The following CPVL variants were observed in gnomAD, a reference collection of about 807,000 sequenced individuals.
CPVL encodes probable serine carboxypeptidase CPVL.
In CPVL, 51 loss-of-function variants were observed where a neutral mutation model predicts 63.7. The ratio of observed to expected loss-of-function variants is 0.80; its 90% CI spans 0.64 to 1.01. CPVL has a LOEUF of 1.01. Ranked by LOEUF, CPVL falls within the 50% of genes least tolerant of loss-of-function variation. The pLI, the probability that CPVL is intolerant of heterozygous loss-of-function variation, is 0.00. For synonymous variants in CPVL, 195 were observed against 206.0 expected (o/e 0.95, Z 0.46); for missense variants, 530 against 573.1 (o/e 0.92, Z 0.77).
At chr7:29,142,122 T>A (rs184327611) in intron 1 of CPVL, among the ~76,000 whole-genome samples, 1 of 152,370 alleles carries the variant, frequency 6.6e-6, no homozygotes, top group East Asian at 1.9e-4. Context: ...AAAGACTTAC[T>A]TCACTTTACT....
chr7:29,152,306 A>G (rs1421150142), intron 5 of CPVL, among the ~76,000 whole-genome samples: 1 of 152,184 alleles, frequency 6.6e-6, no homozygotes, highest in Non-Finnish European at 1.5e-5. Context: ...ACTGCTATGG[A>G]TTTAAAGGAT....
intron 1 of CPVL, chr7:29,192,531 G>A (rs1206297621): frequency 6.6e-6 from 1 of 152,168 alleles, no homozygotes; most frequent in Non-Finnish European, 1.5e-5. Flanking sequence ...TAGTAGAACA[G>A]GTCACAGTTG....
intron 4 of CPVL, among the ~76,000 whole-genome samples, chr7:29,095,500 G>A (rs1314753246): frequency 2.0e-5 from 3 of 151,440 alleles, no homozygotes; most frequent in African/African-American, 7.3e-5. Flanking sequence ...CTCTTGAACA[G>A]AACTACTTCA....
At chr7:29,029,026 T>C (rs569731265) in intron 12 of CPVL, among the ~76,000 whole-genome samples, 1 of 144,182 alleles carries the variant, frequency 6.9e-6, no homozygotes, top group South Asian at 2.3e-4. Context: ...AAAGAAGACA[T>C]ACAGGTGCCC....
intron 12 of CPVL, among the ~76,000 whole-genome samples, chr7:29,019,584 G>A (rs145592138): frequency 1.0e-3 from 154 of 152,346 alleles, no homozygotes; most frequent in Non-Finnish European, 1.7e-3. Context: ...TAAATTAAGA[G>A]CTGTAGTGTT....
intron 2 of CPVL, among the ~76,000 whole-genome samples, chr7:29,115,648 AAAAAG>A (rs1362567297): frequency 3.4e-5 from 5 of 148,406 alleles, no homozygotes; most frequent in Admixed American, 2.0e-4. Flanking sequence ...TCCCAAAAAA[AAAAAG>A]GAGAGTAGAG....
chr7:29,160,738 C>T (rs145086579), intron 5 of CPVL, among the ~76,000 whole-genome samples: 6 of 152,260 alleles, frequency 3.9e-5, no homozygotes, highest in Non-Finnish European at 7.3e-5. Flanking sequence ...TGCACTGAGG[C>T]AGAGAGGAAG....
chr7:29,137,065 T>C (rs1791297790), intron 1 of CPVL, among the ~76,000 whole-genome samples: 1 of 152,204 alleles, frequency 6.6e-6, no homozygotes, highest in South Asian at 2.1e-4. Flanking sequence ...CTTTAACTCC[T>C]AATTAAATGA....
rs1787956333 is a variant in CPVL, at chr7:29,030,823, A to C, written c.1138-64T>G. 4 of 1,356,544 alleles carry C rather than the reference A, an allele frequency of 2.9e-6. No individual in the cohort carries two copies. In the Admixed American group the frequency reaches 9.5e-5, roughly 32 times the overall value. The allele number at this position is 1,356,544 out of a possible 1,614,324, so 84.0% of individuals were successfully genotyped here. On this transcript the variant is annotated intron_variant, in intron 11 of 12. Transcript: ENST00000265394. ...GGAGGTGAAGCTCATGAATCGAGCT[A>C]GGTATAAATAGTGAGCCAGTGAGAG...
chr7:29,053,611 G>A (rs1481813496), intron 11 of CPVL, among the ~76,000 whole-genome samples: 3 of 152,160 alleles, frequency 2.0e-5, no homozygotes, highest in African/African-American at 7.2e-5. Context: ...ATGAATAGGG[G>A]ATTTTTTCTT....
rs1786257838 is a variant in CPVL at position 29,095,067 on chromosome 7, G to A, written c.462+17C>T. 6.2e-7 allele frequency: 1 copy of A among 1,605,798 alleles called. No individual in the cohort carries two copies. The highest frequency in any genetic ancestry group is 1.3e-5 in the African/African-American group (1 of 74,856). On this transcript the variant is annotated intron_variant, in intron 5 of 12. Transcript: ENST00000265394. ...AGACGCCAGCACTGACAGCTCACAGGGTCATCCCGGACTTACTGGATTGTC... is the reference window on the plus strand; with the variant it reads ...AGACGCCAGCACTGACAGCTCACAGAGTCATCCCGGACTTACTGGATTGTC...
chr7:29,160,384 A>G (rs758790066), intron 5 of CPVL, among the ~76,000 whole-genome samples: 2 of 152,164 alleles, frequency 1.3e-5, no homozygotes, highest in Non-Finnish European at 2.9e-5. Flanking sequence ...TGGCTTATCC[A>G]TGTCATTCCC....
At chr7:29,005,519 C>A (rs1785104152) in intron 12 of CPVL, among the ~76,000 whole-genome samples, 1 of 152,166 alleles carries the variant, frequency 6.6e-6, no homozygotes, top group Non-Finnish European at 1.5e-5. Context: ...TGAAAGCAAA[C>A]CTCTGTCACT....
chr7:28,998,775 T>A (rs931532323), intron 12 of CPVL, among the ~76,000 whole-genome samples: 1 of 152,174 alleles, frequency 6.6e-6, no homozygotes, highest in East Asian at 1.9e-4. Flanking sequence ...CACTCCAGCC[T>A]GGGCAACAAA....
At chr7:29,150,788 A>G (rs557131786), upstream of CPVL, among the ~76,000 whole-genome samples, 60 of 152,300 alleles carry the variant, frequency 3.9e-4, no homozygotes, top group African/African-American at 7.9e-4. Context: ...CTGATCTTCA[A>G]TGGGGCCACC....
At chr7:29,135,334 GA>G (rs1473767426) in intron 1 of CPVL, among the ~76,000 whole-genome samples, 1 of 148,094 alleles carries the variant, frequency 6.8e-6, no homozygotes, top group African/African-American at 2.5e-5. Flanking sequence ...AATTGTATTA[GA>G]TTTTTTTTTT....
chr7:29,156,672 A>G (rs775767833), intron 5 of CPVL, among the ~76,000 whole-genome samples: 13 of 152,146 alleles, frequency 8.5e-5, no homozygotes, highest in Non-Finnish European at 1.9e-4. Flanking sequence ...TTATTGGTGT[A>G]ATTTTGACCA....
chr7:29,113,001 G>C, intron 2 of CPVL, 179 bp from the exon 3 acceptor site: 1 of 508,750 alleles, frequency 2.0e-6, no homozygotes, highest in Non-Finnish European at 3.5e-6. Context: ...CATAGTCCAC[G>C]TTCACAATTT....
rs896698996 is a variant in CPVL, at chr7:29,079,998, G to A, written c.609+6486C>T. 3.3e-5 allele frequency among the ~76,000 whole-genome samples: 5 copies of A among 152,132 alleles called. No homozygotes were observed. In the East Asian group the frequency reaches 9.6e-4, roughly 29 times the overall value. On this transcript the variant is annotated intron_variant, in intron 7 of 12. Transcript: ENST00000265394. ...GAAGAAGCATGGAGAAATAGAAGCT[G>A]TGCACAATAGACTGAGGAGAGGATG...
Sources: allele counts gnomAD v4.1 joint callset (sites outside exome capture counted in the v4.1 genomes callset), GRCh38; gene constraint gnomAD v4.1.1; transcripts MANE v1.5; gene names NCBI Gene and HGNC (gene_info 2026-07-23, HGNC 2026-07-21).